Variants in MCFD2 observed in about 807,000 individuals in gnomAD.
MCFD2 encodes multiple coagulation factor deficiency 2, ER cargo receptor complex subunit.
MCFD2 carries 11 observed loss-of-function variants against 12.8 expected under a neutral mutation model. The ratio of observed to expected loss-of-function variants is 0.86; its 90% CI spans 0.54 to 1.42. The LOEUF is 1.42. Ranked by LOEUF, MCFD2 falls within the 40% of genes most tolerant of loss-of-function variation. The pLI, the probability that MCFD2 is intolerant of heterozygous loss-of-function variation, is 0.00. For missense variants in MCFD2, 191 were observed against 178.6 expected (o/e 1.07, Z -0.40); for synonymous variants, 70 against 68.1 (o/e 1.03, Z -0.14).
At chr2:46,926,628 G>A (rs1370106138) in intron 1 of MCFD2, among the ~76,000 whole-genome samples, 1 of 152,192 alleles carries the variant, frequency 6.6e-6, no homozygotes, top group African/African-American at 2.4e-5. Context: ...CCCCCCAGGT[G>A]CCTAGAAAAA....
At chr2:46,926,278 A>C (rs990650780) in intron 1 of MCFD2, among the ~76,000 whole-genome samples, 5 of 152,218 alleles carry the variant, frequency 3.3e-5, no homozygotes, top group African/African-American at 1.2e-4. Flanking sequence ...AGTTCCACAC[A>C]CTGAGTATAT....
intron 1 of MCFD2, among the ~76,000 whole-genome samples, chr2:46,932,557 A>C (rs1185929551): frequency 1.3e-5 from 2 of 152,134 alleles, no homozygotes; most frequent in Non-Finnish European, 2.9e-5. Flanking sequence ...AAATGTTTTT[A>C]AAAGAGAAGA....
At chr2:46,934,920 C>T (rs1247261026) in intron 1 of MCFD2, among the ~76,000 whole-genome samples, 1 of 150,852 alleles carries the variant, frequency 6.6e-6, no homozygotes, top group Admixed American at 6.6e-5. Context: ...CTTGCCTCAG[C>T]CTCCTGAGTA....
At position 46,905,182 on chromosome 2, in the gene MCFD2, G is replaced by A; in HGVS notation, c.*281C>T. On this transcript the variant is annotated 3_prime_UTR_variant, in exon 4 of 4. Transcript: ENST00000319466. Reference sequence around the variant, plus strand: ...AAACCTCTTTTTCTTCCCAGTCTCGGGTACGTCTTTATCAGCAGCATTAAT... The same window carrying A: ...AAACCTCTTTTTCTTCCCAGTCTCGAGTACGTCTTTATCAGCAGCATTAAT... 2.4e-6 allele frequency: 1 copy of A among 416,616 alleles called. No homozygotes were observed. The highest frequency in any genetic ancestry group is 2.3e-5 in the South Asian group (1 of 44,074). The allele number at this position is 416,616 out of a possible 1,614,324, so 25.8% of individuals were successfully genotyped here. A position where few individuals can be genotyped will look rare whatever the true frequency, so the allele number is the denominator to read the frequency against.
At chr2:46,930,999 C>T (rs1291437636) in intron 1 of MCFD2, among the ~76,000 whole-genome samples, 2 of 148,794 alleles carry the variant, frequency 1.3e-5, no homozygotes, top group Non-Finnish European at 1.5e-5. Context: ...AAAATTTAGC[C>T]GTATCTCATG....
upstream of MCFD2, chr2:46,916,345 C>T (rs1254854643): frequency 4.8e-6 from 1 of 207,422 alleles, no homozygotes; most frequent in Non-Finnish European, 8.4e-6. Flanking sequence ...CTGCGGCAGC[C>T]GCTGTCCCCG....
rs1449652664 is a variant in MCFD2, at chr2:46,941,035, C to A, written c.-8+537G>T. The stretch of plus-strand genomic sequence containing the variant: ...GCGGGATTAAAGTGAGCTCCGACTC[C>A]GCGGCGGGGGCGGCGGCGGGGGGCG... On this transcript the variant is annotated intron_variant, in intron 1 of 2. Coordinates refer to the MCFD2 transcript ENST00000409147. The surrounding 1 kb of genome is among the most constrained non-coding windows in gnomAD (Gnocchi z 4.2). 1 of 151,626 alleles carries A rather than the reference C, an allele frequency of 6.6e-6. No homozygotes were observed. Among genetic ancestry groups the A allele is most frequent in the African/African-American group, 2.4e-5 (1 of 41,010 alleles). 9.4% of individuals were successfully genotyped at this position (151,626 alleles called of 1,614,324 possible).
intron 1 of MCFD2, among the ~76,000 whole-genome samples, chr2:46,928,933 TG>T (rs1669547315): frequency 6.6e-6 from 1 of 151,860 alleles, no homozygotes; most frequent in Non-Finnish European, 1.5e-5. Flanking sequence ...GAGGCTGAGG[TG>T]GGTGGATTAC....
intron 1 of MCFD2, among the ~76,000 whole-genome samples, chr2:46,938,484 T>C (rs1401716486): frequency 6.6e-6 from 1 of 152,176 alleles, no homozygotes; most frequent in African/African-American, 2.4e-5. Flanking sequence ...CACTATACTT[T>C]AATAACTTAA....
chr2:46,917,777 T>C (rs1317619906), upstream of MCFD2, among the ~76,000 whole-genome samples: 3 of 152,206 alleles, frequency 2.0e-5, no homozygotes, highest in African/African-American at 7.2e-5. Flanking sequence ...CTTGTTTTTA[T>C]TTTACTTGCC....
Position 46,915,451 on chromosome 2 carries a change from C to A in MCFD2, c.-7+272G>T, listed in dbSNP as rs116731409. Among the ~76,000 whole-genome samples the A allele has an allele frequency of 2.6e-3, 390 of 152,270 alleles. 1 individual carries two copies. Among genetic ancestry groups the A allele is most frequent in the African/African-American group, 8.7e-3 (363 of 41,572 alleles). ...GCAGTGTCCACCCGACACAGCTGGT[C>A]CCACAGGCCGATCCTCGGGCCCCTA... On this transcript the variant is annotated intron_variant, in intron 1 of 3. Coordinates refer to ENST00000319466, the MANE Select transcript of MCFD2 (RefSeq NM_139279.6).
intron 1 of MCFD2, among the ~76,000 whole-genome samples, chr2:46,931,941 G>A (rs947871687): frequency 6.6e-6 from 1 of 152,148 alleles, no homozygotes. Context: ...GAAATGTGAG[G>A]ACGGTTTAAC....
chr2:46,930,867 G>A (rs748511921), intron 1 of MCFD2, among the ~76,000 whole-genome samples: 1 of 151,940 alleles, frequency 6.6e-6, no homozygotes, highest in African/African-American at 2.4e-5. Flanking sequence ...TAGCTGAATG[G>A]AAAAATAATG....
chr2:46,924,091 C>T (rs146144054), intron 1 of MCFD2, among the ~76,000 whole-genome samples: 1 of 151,874 alleles, frequency 6.6e-6, no homozygotes, highest in South Asian at 2.1e-4. Context: ...TGTAGTCCAG[C>T]TACCCAGGAG....
In MCFD2 at chr2:46,909,152, A is replaced by G; in HGVS notation, c.20T>C (p.Leu7Pro). 6.2e-7 allele frequency: 1 copy of G among 1,614,126 alleles called. No homozygotes were observed. Among genetic ancestry groups the G allele is most frequent in the Non-Finnish European group, 8.5e-7 (1 of 1,179,982 alleles). ...CAGGCCACACAGGAAGGGGGTTCTG[A>G]GCAGGGATCTCATGGTCATCAATAT... MTMRSL[L>P]RTPFLCGLLW... Residue 7 changes from leucine (L) to proline (P), a missense_variant, in exon 2 of 4, where the codon CTC (leucine) becomes CCC (proline). Transcript: ENST00000319466.
chr2:46,907,588 G>C lies in MCFD2; in HGVS notation c.309+222C>G. ...TTGTTTTGTTTGTTTTGTAGAGACA[G>C]GGTCTCACTATATTGCCAAGGCTGG... On this transcript the variant is annotated intron_variant, in intron 3 of 3. Coordinates refer to ENST00000319466, the MANE Select transcript of MCFD2 (RefSeq NM_139279.6). The surrounding 1 kb of genome is among the most constrained non-coding windows in gnomAD (Gnocchi z 4.1). 2 of 573,704 alleles carry C rather than the reference G, an allele frequency of 3.5e-6. No homozygotes were observed. The highest frequency in any genetic ancestry group is 6.2e-6 in the Non-Finnish European group (2 of 320,816). The allele number at this position is 573,704 out of a possible 1,614,324, so 35.5% of individuals were successfully genotyped here.
intron 1 of MCFD2, among the ~76,000 whole-genome samples, chr2:46,939,348 T>C (rs979426632): frequency 6.6e-6 from 1 of 152,120 alleles, no homozygotes; most frequent in Admixed American, 6.5e-5. Context: ...CTAGTTTTTT[T>C]ACACCCCTGA....
chr2:46,926,543 G>A (rs1046210924), intron 1 of MCFD2, among the ~76,000 whole-genome samples: 8 of 152,166 alleles, frequency 5.3e-5, no homozygotes, highest in African/African-American at 9.7e-5. Flanking sequence ...GACCACAGCC[G>A]AATGTCAATT....
At chr2:46,920,973 TA>T (rs34487440) in intron 1 of MCFD2, among the ~76,000 whole-genome samples, 7,170 of 139,138 alleles carry the variant, frequency 0.052, 345 homozygotes, top group African/African-American at 0.13. Flanking sequence ...CTATTCATGA[TA>T]AAAAAAAAAA....
Sources: gnomAD v4.1 joint callset for allele counts (sites outside exome capture counted in the v4.1 genomes callset) on GRCh38, gnomAD v4.1.1 for gene constraint, Gnocchi (gnomAD v3.1) non-coding constraint, MANE v1.5 for transcripts, NCBI Gene and HGNC (gene_info 2026-07-23, HGNC 2026-07-21) for gene names.